Variants in PPFIBP2 observed in about 807,000 individuals in gnomAD.
PPFIBP2 encodes the protein liprin-beta-2.
PPFIBP2 carries 118 observed loss-of-function variants against 118.3 expected under a neutral mutation model. The observed-to-expected ratio is 1.00, with a 90% confidence interval of 0.86 to 1.16. PPFIBP2 has a LOEUF of 1.16. Among genes scored for constraint, PPFIBP2 ranks in the 50% most tolerant of loss-of-function variants. The pLI is 0.00. For synonymous variants in PPFIBP2, 414 were observed against 397.4 expected, an observed-to-expected ratio of 1.04 and a Z score of -0.50; for missense variants, 1,195 against 1,073.1, an observed-to-expected ratio of 1.11 and a Z score of -1.59.
At chr11:7,565,160 C>T (rs935829913) in intron 2 of PPFIBP2, among the ~76,000 whole-genome samples, 1 of 152,102 alleles carries the variant, frequency 6.6e-6, no homozygotes, top group Non-Finnish European at 1.5e-5. Flanking sequence ...CAGTCATCCA[C>T]CTCTGTATGC....
downstream of PPFIBP2, chr11:7,656,886 G>A: frequency 3.0e-6 from 3 of 997,062 alleles, no homozygotes; most frequent in Non-Finnish European, 2.8e-6. Flanking sequence ...AGCCCCCTCT[G>A]CAAGCCCAGT....
Position 7,614,112 on chromosome 11 carries a change from TAGG to T in PPFIBP2, c.618+3693_618+3695del, listed in dbSNP as rs779264479. On this transcript the variant is annotated intron_variant, in intron 6 of 23. Coordinates refer to ENST00000299492, the MANE Select transcript of PPFIBP2 (RefSeq NM_003621.5). ...TTTGCTCAGAGATGAGCTGGCCTAA[TAGG>T]AGAGTTTTTTTATTCTTGTTTTTAT... Among the ~76,000 whole-genome samples, 87 of 152,366 alleles carry T rather than the reference TAGG, an allele frequency of 5.7e-4. 1 individual carries two copies. The highest frequency in any genetic ancestry group is 9.6e-4 in the East Asian group (5 of 5,186).
downstream of PPFIBP2, among the ~76,000 whole-genome samples, chr11:7,657,968 C>G (rs1043360441): frequency 7.9e-5 from 12 of 152,352 alleles, no homozygotes; most frequent in African/African-American, 2.9e-4. Context: ...CCACCCACTC[C>G]TTCGCATGTG....
chr11:7,630,985 G>A lies in PPFIBP2; in HGVS notation c.1025G>A (p.Trp342Ter). Reference sequence around the variant, plus strand: ...GAACCGGAGGGAGGTTTCAGCAAGTGGAACGCTACAAATAAGGACCCTGAA... The same window carrying A: ...GAACCGGAGGGAGGTTTCAGCAAGTAGAACGCTACAAATAAGGACCCTGAA... ...EEEPEGGFSK[W>*]NATNKDPEEL... is the part of the protein sequence containing the mutation. Residue 342 changes from tryptophan to a stop codon, truncating the protein, a stop_gained, in exon 11 of 24, where the codon TGG (tryptophan) becomes TAG (stop). Coordinates refer to ENST00000299492, the MANE Select transcript of PPFIBP2 (RefSeq NM_003621.5). LOFTEE classifies it high-confidence loss of function. 6.2e-7 allele frequency: 1 copy of A among 1,614,098 alleles called. No homozygotes were observed. The highest frequency in any genetic ancestry group is 8.5e-7 in the Non-Finnish European group (1 of 1,179,974).
chr11:7,520,902 C>T (rs557892456), intron 1 of PPFIBP2, among the ~76,000 whole-genome samples: 1 of 152,182 alleles, frequency 6.6e-6, no homozygotes, highest in African/African-American at 2.4e-5. Flanking sequence ...ATCCTTTATA[C>T]ACCCTTAAAG....
chr11:7,636,431 T>C (rs1224243693), intron 14 of PPFIBP2, among the ~76,000 whole-genome samples: 1 of 152,188 alleles, frequency 6.6e-6, no homozygotes, highest in Non-Finnish European at 1.5e-5. Flanking sequence ...CCTTGGGCCA[T>C]CTGAACTGTA....
intron 6 of PPFIBP2, among the ~76,000 whole-genome samples, chr11:7,617,754 C>A (rs1050552118): frequency 3.9e-5 from 6 of 152,024 alleles, no homozygotes; most frequent in Non-Finnish European, 8.8e-5. Context: ...GGTTTACCCC[C>A]AGTGAAAAAA....
chr11:7,666,424 GGTGA>G, the PPFIBP2 span: 109 of 1,460,876 alleles, frequency 7.5e-5, 1 homozygote, highest in Non-Finnish European at 5.5e-5. Flanking sequence ...GCTGACCCAT[GGTGA>G]GTGAGGGCAA....
intron 7 of PPFIBP2, among the ~76,000 whole-genome samples, chr11:7,624,483 C>G (rs982666589): frequency 6.6e-6 from 1 of 152,198 alleles, no homozygotes; most frequent in African/African-American, 2.4e-5. Flanking sequence ...CATTTAATTA[C>G]TTGGGGTTGG....
intron 2 of PPFIBP2, among the ~76,000 whole-genome samples, chr11:7,554,500 T>C (rs1853356603): frequency 6.6e-6 from 1 of 152,168 alleles, no homozygotes; most frequent in Admixed American, 6.6e-5. Context: ...AAAGTCTGTC[T>C]CCTCCTGCAT....
intron 3 of PPFIBP2, among the ~76,000 whole-genome samples, chr11:7,590,959 C>A (rs372511532): frequency 6.6e-6 from 1 of 152,198 alleles, no homozygotes; most frequent in Non-Finnish European, 1.5e-5. Context: ...TTTTACCATA[C>A]TGATCTGCGG....
chr11:7,665,380 G>C, the PPFIBP2 span: 1 of 1,562,338 alleles, frequency 6.4e-7, no homozygotes, highest in Non-Finnish European at 8.6e-7. Context: ...GGTGTTAGTA[G>C]GTGAAAATCA....
At chr11:7,637,521 G>A (rs1851605808) in intron 14 of PPFIBP2, among the ~76,000 whole-genome samples, 1 of 152,210 alleles carries the variant, frequency 6.6e-6, no homozygotes, top group South Asian at 2.1e-4. Flanking sequence ...GAGTTGGTCT[G>A]ACTCAAAGCC....
At chr11:7,659,685 A>G (rs1843437445), downstream of PPFIBP2, among the ~76,000 whole-genome samples, 1 of 125,516 alleles carries the variant, frequency 8.0e-6, no homozygotes, top group African/African-American at 2.7e-5. Context: ...TTCTGTGAAG[A>G]AAGGCATTGG....
intron 3 of PPFIBP2, among the ~76,000 whole-genome samples, chr11:7,568,141 C>G (rs1855221821): frequency 1.3e-5 from 2 of 152,200 alleles, no homozygotes; most frequent in African/African-American, 4.8e-5. Context: ...ACTGGCCTGA[C>G]ATGGTCCAAC....
Position 7,639,815 on chromosome 11 carries a change from A to G in PPFIBP2, c.1320A>G (p.Lys440=), listed in dbSNP as rs766108632. ...SGATPNGEAA[K]SPPTICQPDA... ...CCACGCCCAATGGAGAGGCTGCCAA[A>G]TCTCCTCCCACCATCTGCCAGCCTG... The change falls in exon 15 of 24, where the codon AAA becomes AAG. Residue 440 remains lysine, a synonymous_variant. Transcript: ENST00000299492. 1.2e-6 allele frequency: 2 copies of G among 1,612,880 alleles called. No homozygotes were observed. The highest frequency in any genetic ancestry group is 1.1e-5 in the South Asian group (1 of 91,042).
rs1853409049 is a variant in PPFIBP2, at chr11:7,648,243, G to A, written c.1647-144G>A. 6 of 879,308 alleles carry A rather than the reference G, an allele frequency of 6.8e-6. No individual in the cohort carries two copies. In the South Asian group the frequency reaches 1.2e-4, roughly 17 times the overall value. 54.5% of individuals were successfully genotyped at this position (879,308 alleles called of 1,614,324 possible). Reference sequence around the variant, plus strand: ...TGTTGTAGTGGAATTTTGTTCAGCAGAATCCCATGATGGAGGTTGTTTGTT... The same window carrying A: ...TGTTGTAGTGGAATTTTGTTCAGCAAAATCCCATGATGGAGGTTGTTTGTT... On this transcript the variant is annotated intron_variant, in intron 17 of 23. Transcript: ENST00000299492.
intron 13 of PPFIBP2, 67 bp downstream of exon 13, chr11:7,634,619 T>C: frequency 8.0e-7 from 1 of 1,246,760 alleles, no homozygotes; most frequent in Non-Finnish European, 1.2e-6. Context: ...AGTACTGGGA[T>C]ATACAGGCAG....
intron 14 of PPFIBP2, 106 bp downstream of exon 14, chr11:7,635,699 G>T (rs1306274411): frequency 1.6e-6 from 2 of 1,216,196 alleles, no homozygotes; most frequent in Admixed American, 3.8e-5. Flanking sequence ...CCAACTGTAA[G>T]GAGTAAGAGG....
Sources: gnomAD v4.1 joint callset for allele counts (sites outside exome capture counted in the v4.1 genomes callset) on GRCh38, gnomAD v4.1.1 for gene constraint, MANE v1.5 for transcripts, NCBI Gene and HGNC (gene_info 2026-07-23, HGNC 2026-07-21) for gene names.